The following ADGRL3 variants were observed in gnomAD, a reference collection of about 807,000 sequenced individuals.
The protein encoded by ADGRL3 is calcium-independent alpha-latrotoxin receptor 3.
Under a neutral mutation model 153.5 loss-of-function variants are expected in ADGRL3, and 62 were observed. That is an observed-to-expected ratio of 0.40 (90% CI 0.33 to 0.50). The LOEUF (loss-of-function observed/expected upper bound fraction) is 0.50. Among genes scored for constraint, ADGRL3 ranks in the 20% least tolerant of loss-of-function variants. The pLI is 0.47. For synonymous variants in ADGRL3, 710 were observed against 672.5 expected (o/e 1.06, Z -0.86); for missense variants, 1,641 against 1,859.4 (o/e 0.88, Z 2.16).
intron 2 of ADGRL3, among the ~76,000 whole-genome samples, chr4:61,436,004 C>T (rs1252163643): frequency 1.3e-5 from 2 of 151,898 alleles, no homozygotes; most frequent in East Asian, 3.9e-4. Flanking sequence ...TCAAATATTT[C>T]CAAGTATAAT....
intron 13 of ADGRL3, among the ~76,000 whole-genome samples, chr4:61,917,232 C>G (rs1052823513): frequency 1.3e-5 from 2 of 152,138 alleles, no homozygotes; most frequent in East Asian, 3.9e-4. Context: ...CTGTTACTTG[C>G]AGGACTGACC....
intron 21 of ADGRL3, among the ~76,000 whole-genome samples, chr4:62,027,663 T>C (rs1183827218): frequency 6.6e-6 from 1 of 152,002 alleles, no homozygotes; most frequent in Non-Finnish European, 1.5e-5. Context: ...TGAGAAATTT[T>C]GTATTTTCGG....
At chr4:61,752,909 G>A (rs543888444) in intron 8 of ADGRL3, among the ~76,000 whole-genome samples, 1 of 152,226 alleles carries the variant, frequency 6.6e-6, no homozygotes, top group Non-Finnish European at 1.5e-5. Flanking sequence ...ACTCCAGCCT[G>A]GGTGACTGAG....
At chr4:61,753,240 A>C (rs1379007363) in intron 8 of ADGRL3, among the ~76,000 whole-genome samples, 2 of 152,052 alleles carry the variant, frequency 1.3e-5, no homozygotes, top group African/African-American at 2.4e-5. Flanking sequence ...AAAAAAAAAA[A>C]AAAAACAAAG....
chr4:61,724,672 A>G (rs930454716), intron 6 of ADGRL3, among the ~76,000 whole-genome samples: 23 of 152,220 alleles, frequency 1.5e-4, no homozygotes, highest in African/African-American at 5.5e-4. Context: ...TACTCCTCTC[A>G]TTAAATAAAG....
chr4:61,393,772 TGAA>T (rs1162071774), intron 2 of ADGRL3, among the ~76,000 whole-genome samples: 1 of 152,156 alleles, frequency 6.6e-6, no homozygotes, highest in Non-Finnish European at 1.5e-5. Context: ...TCATAACTCT[TGAA>T]GAGGAATGAA....
chr4:61,754,034 A>G lies in ADGRL3; in HGVS notation c.1399+20480A>G, dbSNP rs139051559. ...AGGTTCCTGAGCCTGCCGGGAAGTGACCTTCCTTATTCACATGTAAGGCTG... is the reference window on the plus strand; with the variant it reads ...AGGTTCCTGAGCCTGCCGGGAAGTGGCCTTCCTTATTCACATGTAAGGCTG... On this transcript the variant is annotated intron_variant, in intron 8 of 26. Coordinates refer to ENST00000683033, the MANE Select transcript of ADGRL3 (RefSeq NM_001387552.1). 3.9e-3 allele frequency among the ~76,000 whole-genome samples: 597 copies of G among 152,256 alleles called. 3 individuals are homozygous for G. Among genetic ancestry groups the G allele is most frequent in the African/African-American group, 0.014 (566 of 41,550 alleles).
At chr4:61,490,052 T>C (rs1456509755) in intron 2 of ADGRL3, among the ~76,000 whole-genome samples, 1 of 152,130 alleles carries the variant, frequency 6.6e-6, no homozygotes, top group African/African-American at 2.4e-5. Flanking sequence ...CACTTCTTCC[T>C]GAGAAACCAG....
At chr4:61,282,987 AC>A (rs1284379529) in intron 1 of ADGRL3, among the ~76,000 whole-genome samples, 1 of 152,042 alleles carries the variant, frequency 6.6e-6, no homozygotes, top group Admixed American at 6.6e-5. Flanking sequence ...TCTTAATATG[AC>A]ATGTAGAATT....
intron 1 of ADGRL3, among the ~76,000 whole-genome samples, chr4:61,241,573 T>G (rs185315319): frequency 6.6e-6 from 1 of 152,196 alleles, no homozygotes; most frequent in African/African-American, 2.4e-5. Flanking sequence ...TTTATTAAAT[T>G]TATAGGTTAC....
chr4:62,070,584 A>G lies in ADGRL3; in HGVS notation c.4308A>G (p.Leu1436=). ...ACAGTGAGAGCTTTTTCCCTTTGCTAACCAACGAGCACACAGAAGATCTCC... is the reference window on the plus strand; with the variant it reads ...ACAGTGAGAGCTTTTTCCCTTTGCTGACCAACGAGCACACAGAAGATCTCC... ...QDHSESFFPL[L]TNEHTEDLQS... is the part of the protein sequence containing the mutation. The change falls in exon 27 of 27, where the codon CTA becomes CTG. Residue 1436 remains leucine (L), a synonymous_variant. Transcript: ENST00000683033. 6.4e-7 allele frequency: 1 copy of G among 1,551,208 alleles called. No individual in the cohort carries two copies. The highest frequency in any genetic ancestry group is 8.7e-7 in the Non-Finnish European group (1 of 1,146,962).
At chr4:61,897,933 AG>A (rs1248940946) in intron 11 of ADGRL3, among the ~76,000 whole-genome samples, 1 of 152,118 alleles carries the variant, frequency 6.6e-6, no homozygotes, top group Admixed American at 6.6e-5. Context: ...CCAGGCCTGT[AG>A]GGTACCAGAT....
At chr4:61,584,129 A>G (rs1460918677) in intron 4 of ADGRL3, among the ~76,000 whole-genome samples, 1 of 152,020 alleles carries the variant, frequency 6.6e-6, no homozygotes, top group East Asian at 1.9e-4. Flanking sequence ...AGTTAGTAAC[A>G]TAATTAAAAG....
intron 8 of ADGRL3, among the ~76,000 whole-genome samples, chr4:61,792,111 C>A (rs1024850947): frequency 1.3e-5 from 2 of 152,172 alleles, no homozygotes; most frequent in East Asian, 1.9e-4. Context: ...ATGAGATTTT[C>A]TTTTCTATCA....
intron 2 of ADGRL3, among the ~76,000 whole-genome samples, chr4:61,401,494 T>C (rs1437501218): frequency 6.6e-6 from 1 of 152,018 alleles, no homozygotes; most frequent in East Asian, 1.9e-4. Context: ...CAAGCATGAA[T>C]AGAAATGCTT....
chr4:61,913,966 A>C (rs1409019552), intron 13 of ADGRL3, among the ~76,000 whole-genome samples: 2 of 152,182 alleles, frequency 1.3e-5, no homozygotes, highest in Non-Finnish European at 2.9e-5. Flanking sequence ...AATTCTATAC[A>C]TGAATATCTT....
intron 5 of ADGRL3, among the ~76,000 whole-genome samples, chr4:61,642,949 C>G (rs1189355926): frequency 6.6e-6 from 1 of 152,176 alleles, no homozygotes; most frequent in African/African-American, 2.4e-5. Context: ...TTGTTTGTAT[C>G]CTCTTTTATT....
chr4:61,895,537 A>G (rs1013525767), intron 10 of ADGRL3, among the ~76,000 whole-genome samples, 194 bp from the exon 11 acceptor site: 1 of 152,084 alleles, frequency 6.6e-6, no homozygotes, highest in Non-Finnish European at 1.5e-5. Flanking sequence ...AAATGCTTCA[A>G]ACATATTGTA....
intron 21 of ADGRL3, among the ~76,000 whole-genome samples, chr4:62,005,323 G>C (rs1212308818): frequency 6.6e-6 from 1 of 152,030 alleles, no homozygotes; most frequent in Non-Finnish European, 1.5e-5. Flanking sequence ...CTGTGAATCA[G>C]GGTTTATGCA....
Sources: allele counts gnomAD v4.1 joint callset (sites outside exome capture counted in the v4.1 genomes callset), GRCh38; gene constraint gnomAD v4.1.1; transcripts MANE v1.5; gene names NCBI Gene and HGNC (gene_info 2026-07-23, HGNC 2026-07-21).